The following MYO1E variants were observed in gnomAD, a reference collection of about 807,000 sequenced individuals.
MYO1E encodes the protein myosin IE, also known as unconventional myosin-Ie.
A neutral mutation model predicts 151.1 loss-of-function variants in MYO1E; 68 were observed. The ratio of observed to expected loss-of-function variants is 0.45; its 90% CI spans 0.37 to 0.55. The LOEUF (loss-of-function observed/expected upper bound fraction) is 0.55, where lower values mean the gene tolerates loss of function less well. Among genes scored for constraint, MYO1E ranks in the 20% least tolerant of loss-of-function variants. The pLI, the probability that MYO1E is intolerant of heterozygous loss-of-function variation, is 0.00. For missense variants in MYO1E, 1,363 were observed against 1,389.3 expected (o/e 0.98, Z 0.30); for synonymous variants, 601 against 501.7 (o/e 1.20, Z -2.64).
chr15:59,327,112 G>T (rs2080669570), intron 1 of MYO1E, among the ~76,000 whole-genome samples: 1 of 151,904 alleles, frequency 6.6e-6, no homozygotes, highest in African/African-American at 2.4e-5. Context: ...CCCTTTATGG[G>T]TAAGGCGTTT....
Position 59,178,553 on chromosome 15 carries a change from G to C in MYO1E, c.1905-16C>G. ...AATGGCATACCTGTGGGGACATTGG[G>C]GAGAAGAGAATCACACTTGGGCGGG... On this transcript the variant is annotated splice_polypyrimidine_tract_variant and intron_variant, in intron 18 of 27. Transcript: ENST00000288235. The C allele has an allele frequency of 1.2e-6, 2 of 1,613,526 alleles. No individual in the cohort carries two copies. The highest frequency in any genetic ancestry group is 1.7e-6 in the Non-Finnish European group (2 of 1,179,564).
chr15:59,372,649 AC>A lies in MYO1E; in HGVS notation c.-150del. On this transcript the variant is annotated 5_prime_UTR_variant, in exon 1 of 28. An upstream open reading frame in the 5' UTR loses its in-frame stop. Transcript: ENST00000288235. ...CAAGCACTCACAGGAGCCAATGGGA[AC>A]CCAGAGGGGACTCCATCCAGGCGGG... The A allele has an allele frequency of 1.0e-6, 1 of 977,306 alleles. No homozygotes were observed. The highest frequency in any genetic ancestry group is 1.5e-6 in the Non-Finnish European group (1 of 672,700). 60.5% of individuals were successfully genotyped at this position (977,306 alleles called of 1,614,324 possible).
intron 1 of MYO1E, among the ~76,000 whole-genome samples, chr15:59,281,449 T>C (rs560521228): frequency 6.6e-6 from 1 of 152,156 alleles, no homozygotes; most frequent in African/African-American, 2.4e-5. Context: ...CTTATTTTTG[T>C]ATTTTTAGTA....
intron 18 of MYO1E, among the ~76,000 whole-genome samples, chr15:59,179,577 A>C (rs1184419134): frequency 2.0e-5 from 3 of 152,294 alleles, no homozygotes; most frequent in African/African-American, 7.2e-5. Flanking sequence ...CAGCAACCTG[A>C]TCAGGTTGGT....
At position 59,217,978 on chromosome 15, in the gene MYO1E, G is replaced by T; in HGVS notation, c.1020C>A (p.His340Gln). 1 of 1,614,210 alleles carries T rather than the reference G, an allele frequency of 6.2e-7. No homozygotes were observed. Residue 340 changes from histidine (H) to glutamine (Q), a missense_variant, in exon 10 of 28, where the codon CAC becomes CAA. Coordinates refer to ENST00000288235, the MANE Select transcript of MYO1E (RefSeq NM_004998.4). ...SKWGGKSESIHVTLNVEQACY... is the reference protein window; with the variant it reads ...SKWGGKSESIQVTLNVEQACY... ...AGGCCTGCTCTACGTTGAGGGTCAC[G>T]TGGATGGATTCGGATTTGCCTCCCC...
intron 1 of MYO1E, among the ~76,000 whole-genome samples, chr15:59,325,291 T>C (rs1596418126): frequency 6.6e-6 from 1 of 152,312 alleles, no homozygotes; most frequent in East Asian, 1.9e-4. Context: ...TACCTTGGCC[T>C]CCCAAAGTGC....
At chr15:59,224,343 G>T in intron 8 of MYO1E, among the ~76,000 whole-genome samples, 1 of 152,280 alleles carries the variant, frequency 6.6e-6, no homozygotes. Flanking sequence ...ATAGACGTGC[G>T]GTTTGCTTAG....
At chr15:59,308,871 ATTATT>A (rs752806949) in intron 1 of MYO1E, among the ~76,000 whole-genome samples, 1 of 151,226 alleles carries the variant, frequency 6.6e-6, no homozygotes, top group Non-Finnish European at 1.5e-5. Flanking sequence ...GGATTTGTTT[ATTATT>A]TATTTATTAT....
chr15:59,362,194 T>C (rs1237401412), intron 1 of MYO1E, among the ~76,000 whole-genome samples: 4 of 152,196 alleles, frequency 2.6e-5, no homozygotes, highest in African/African-American at 9.7e-5. Flanking sequence ...CACAAATAAA[T>C]GTATAGACCC....
chr15:59,337,079 C>T (rs2080733565), intron 1 of MYO1E, among the ~76,000 whole-genome samples: 2 of 151,794 alleles, frequency 1.3e-5, no homozygotes, highest in East Asian at 1.9e-4. Context: ...CTGAATTGTA[C>T]AGTTATTGAA....
chr15:59,183,348 G>GT (rs34330073), intron 18 of MYO1E, among the ~76,000 whole-genome samples: 3,827 of 146,416 alleles, frequency 0.026, 88 homozygotes, highest in East Asian at 0.054. Flanking sequence ...GTTTGATCAG[G>GT]TTTTTTTTTT....
chr15:59,195,953 T>C (rs1566975848), intron 16 of MYO1E, among the ~76,000 whole-genome samples: 1 of 152,212 alleles, frequency 6.6e-6, no homozygotes, highest in Admixed American at 6.5e-5. Flanking sequence ...TTTGAAGATA[T>C]ATTGTTCTCA....
At chr15:59,368,073 C>G (rs1217294751) in intron 1 of MYO1E, among the ~76,000 whole-genome samples, 2 of 152,044 alleles carry the variant, frequency 1.3e-5, no homozygotes, top group Non-Finnish European at 1.5e-5. Flanking sequence ...GAACCGAGAT[C>G]GCGCCAGTGC....
At chr15:59,227,410 A>G in intron 7 of MYO1E, 49 bp downstream of exon 7, 1 of 1,609,370 alleles carries the variant, frequency 6.2e-7, no homozygotes. Flanking sequence ...AAATATTTTA[A>G]TGTAGAGAAG....
intron 1 of MYO1E, among the ~76,000 whole-genome samples, chr15:59,277,104 T>C (rs1446136223): frequency 6.6e-6 from 1 of 152,148 alleles, no homozygotes; most frequent in African/African-American, 2.4e-5. Context: ...CCCCACCCCG[T>C]ACAGGGCAGT....
chr15:59,137,828 TG>T (rs1301945122), intron 27 of MYO1E, among the ~76,000 whole-genome samples: 1 of 152,252 alleles, frequency 6.6e-6, no homozygotes, highest in Non-Finnish European at 1.5e-5. Context: ...GGTTCAGGGA[TG>T]GACACATGGC....
At chr15:59,300,866 C>CTTT (rs58955743) in intron 1 of MYO1E, among the ~76,000 whole-genome samples, 13 of 127,112 alleles carry the variant, frequency 1.0e-4, no homozygotes, top group East Asian at 2.2e-4. Context: ...CCTTTTTTTT[C>CTTT]TTTTTTTTTT....
At chr15:59,238,789 C>A (rs2140359334) in intron 4 of MYO1E, among the ~76,000 whole-genome samples, 1 of 151,978 alleles carries the variant, frequency 6.6e-6, no homozygotes, top group East Asian at 2.0e-4. Flanking sequence ...CCAGACTGGT[C>A]CCAACTCCTG....
At chr15:59,362,976 C>CTTTT (rs34810328) in intron 1 of MYO1E, among the ~76,000 whole-genome samples, 51 of 127,576 alleles carry the variant, frequency 4.0e-4, no homozygotes, top group East Asian at 1.4e-3. Flanking sequence ...GTATGACTTT[C>CTTTT]TTTTTTTTTT....
Sources: gnomAD v4.1 joint callset for allele counts (sites outside exome capture counted in the v4.1 genomes callset) on GRCh38, gnomAD v4.1.1 for gene constraint, MANE v1.5 for transcripts, NCBI Gene and HGNC (gene_info 2026-07-23, HGNC 2026-07-21) for gene names.